Variants in EPS15 observed in about 807,000 individuals in gnomAD.
EPS15 encodes epidermal growth factor receptor pathway substrate 15.
A neutral mutation model predicts 113.8 loss-of-function variants in EPS15; 72 were observed. The ratio of observed to expected loss-of-function variants is 0.63; its 90% CI spans 0.52 to 0.77. EPS15 has a LOEUF of 0.77. EPS15 is among the 30% of genes least tolerant of loss of function. EPS15 has a pLI of 0.00. For missense variants in EPS15, 1,048 were observed against 1,045.8 expected (o/e 1.00, Z -0.03); for synonymous variants, 344 against 363.4 (o/e 0.95, Z 0.61).
At chr1:51,378,510 C>G (rs1462947784) in intron 21 of EPS15, among the ~76,000 whole-genome samples, 2 of 152,042 alleles carry the variant, frequency 1.3e-5, no homozygotes, top group Non-Finnish European at 2.9e-5. Context: ...CAAGGTATGG[C>G]TGTACTTGAT....
At chr1:51,515,836 A>G (rs758599099) in intron 1 of EPS15, among the ~76,000 whole-genome samples, 1 of 152,236 alleles carries the variant, frequency 6.6e-6, no homozygotes, top group Non-Finnish European at 1.5e-5. Context: ...TTCAAATCGT[A>G]GATTCACCAC....
intron 1 of EPS15, among the ~76,000 whole-genome samples, chr1:51,497,846 GCGCGCC>G (rs1644351144): frequency 6.6e-6 from 1 of 151,944 alleles, no homozygotes; most frequent in African/African-American, 2.4e-5. Context: ...GCATGGTGGT[GCGCGCC>G]TGTAGTCCCA....
rs745757925 is a variant in EPS15 at position 51,508,338 on chromosome 1, G to GAAAGAA, written c.33+10860_33+10861insTTCTTT. Among the ~76,000 whole-genome samples the GAAAGAA allele has an allele frequency of 2.7e-3, 326 of 122,328 alleles. 6 individuals are homozygous for GAAAGAA. The highest frequency in any genetic ancestry group is 8.8e-3 in the African/African-American group (272 of 31,052). The allele number at this position is 122,328 out of a possible 152,430, so 80.3% of individuals were successfully genotyped here. On this transcript the variant is annotated intron_variant, in intron 1 of 24. Transcript: ENST00000371733. ...AGAGAGAAAGAGAGAAAGAGAAAGAGAGAAAGAAAGAAAGAAAGAAAGAAA... is the reference window on the plus strand; with the variant it reads ...AGAGAGAAAGAGAGAAAGAGAAAGAGAAAGAAAGAAAGAAAGAAAGAAAGAAAGAAA...
chr1:51,381,241 A>G (rs1348099447), intron 21 of EPS15, among the ~76,000 whole-genome samples: 1 of 152,252 alleles, frequency 6.6e-6, no homozygotes, highest in African/African-American at 2.4e-5. Context: ...TCCAAGACAG[A>G]ACATACTTTA....
intron 2 of EPS15, among the ~76,000 whole-genome samples, chr1:51,473,710 G>C (rs1248185269): frequency 6.6e-6 from 1 of 152,132 alleles, no homozygotes; most frequent in African/African-American, 2.4e-5. Flanking sequence ...AAAGGTAACA[G>C]GATAATAGTA....
At chr1:51,506,904 CTG>C (rs1644508803) in intron 1 of EPS15, among the ~76,000 whole-genome samples, 1 of 152,032 alleles carries the variant, frequency 6.6e-6, no homozygotes, top group Admixed American at 6.6e-5. Context: ...TATATACAAA[CTG>C]AAATATTTCA....
At chr1:51,517,167 G>A (rs1321917162) in intron 1 of EPS15, among the ~76,000 whole-genome samples, 1 of 152,144 alleles carries the variant, frequency 6.6e-6, no homozygotes, top group African/African-American at 2.4e-5. Context: ...TTTTTCGTGT[G>A]CCTTCGTAAT....
chr1:51,462,245 C>T (rs1214379396), intron 7 of EPS15: 2 of 152,206 alleles, frequency 1.3e-5, no homozygotes, highest in Non-Finnish European at 2.9e-5. Flanking sequence ...CGCCTGTAAT[C>T]CCAGCCACTC....
At chr1:51,450,418 G>C (rs1210506749) in intron 8 of EPS15, among the ~76,000 whole-genome samples, 3 of 151,746 alleles carry the variant, frequency 2.0e-5, no homozygotes, top group Non-Finnish European at 2.9e-5. Flanking sequence ...GAAGGCAAAG[G>C]GGGTGCAGAC....
chr1:51,517,193 T>C (rs1434801524), intron 1 of EPS15, among the ~76,000 whole-genome samples: 4 of 152,224 alleles, frequency 2.6e-5, no homozygotes, highest in Non-Finnish European at 5.9e-5. Context: ...TTATTGCCTC[T>C]TCATGTTTTA....
At chr1:51,498,826 G>A (rs186850283) in intron 1 of EPS15, among the ~76,000 whole-genome samples, 9 of 152,208 alleles carry the variant, frequency 5.9e-5, no homozygotes, top group Admixed American at 5.2e-4. Context: ...CAGTTTGAAT[G>A]TTTGTGTCCC....
At chr1:51,515,642 T>C (rs1406554019) in intron 1 of EPS15, among the ~76,000 whole-genome samples, 1 of 152,204 alleles carries the variant, frequency 6.6e-6, no homozygotes, top group Non-Finnish European at 1.5e-5. Flanking sequence ...TCCAAGATAT[T>C]ATCAAAGGCA....
intron 12 of EPS15, among the ~76,000 whole-genome samples, chr1:51,437,868 A>G (rs1652284873): frequency 6.6e-6 from 1 of 152,192 alleles, no homozygotes; most frequent in Non-Finnish European, 1.5e-5. Context: ...AGCAAAAGCC[A>G]CAAACGAAAT....
At chr1:51,482,400 C>G (rs1225646807) in intron 1 of EPS15, among the ~76,000 whole-genome samples, 1 of 152,004 alleles carries the variant, frequency 6.6e-6, no homozygotes, top group East Asian at 1.9e-4. Context: ...GCAAGAAGTT[C>G]TGAACGATAA....
intron 11 of EPS15, 83 bp from the exon 12 acceptor site, chr1:51,440,515 G>A (rs1024523446): frequency 2.6e-5 from 14 of 547,730 alleles, no homozygotes; most frequent in South Asian, 3.1e-5. Context: ...AAAGCTCTAC[G>A]CAGATATAAG....
At chr1:51,391,182 G>A (rs1647317357) in intron 21 of EPS15, among the ~76,000 whole-genome samples, 1 of 152,254 alleles carries the variant, frequency 6.6e-6, no homozygotes, top group Non-Finnish European at 1.5e-5. Context: ...GATGAAACTG[G>A]AAATCATCAT....
intron 15 of EPS15, among the ~76,000 whole-genome samples, chr1:51,406,963 G>C (rs1032872077): frequency 2.8e-4 from 42 of 152,112 alleles, no homozygotes; most frequent in African/African-American, 9.9e-4. Flanking sequence ...CGAATGAGTA[G>C]GTAGGTACTC....
rs11386357 is a variant in EPS15 at position 51,364,500 on chromosome 1, A to ATTT, written c.2197-475_2197-473dup. On this transcript the variant is annotated intron_variant, in intron 22 of 24. Transcript: ENST00000371733. ...AACTATAAGGACAACTTGAAAGTCA[A>ATTT]TTTTTTTTTTTTTTAATTTAAAAGG... Among the ~76,000 whole-genome samples, 974 of 146,898 alleles carry ATTT rather than the reference A, an allele frequency of 6.6e-3. 2 individuals are homozygous for ATTT. Among genetic ancestry groups the ATTT allele is most frequent in the African/African-American group, 0.013 (539 of 40,266 alleles).
At chr1:51,408,396 C>CA in intron 14 of EPS15, 64 bp from the exon 15 acceptor site, 2 of 1,196,490 alleles carry the variant, frequency 1.7e-6, no homozygotes, top group Non-Finnish European at 2.5e-6. Flanking sequence ...TAAAATGTTC[C>CA]AAAATGCAAT....
Sources: gnomAD v4.1 joint callset for allele counts (sites outside exome capture counted in the v4.1 genomes callset) on GRCh38, gnomAD v4.1.1 for gene constraint, MANE v1.5 for transcripts, NCBI Gene and HGNC (gene_info 2026-07-23, HGNC 2026-07-21) for gene names.